The following ABCG8 variants were observed in gnomAD, a reference collection of about 807,000 sequenced individuals.
ABCG8 encodes the protein ATP binding cassette subfamily G member 8, also known as ATP-binding cassette sub-family G member 8.
In ABCG8, 81 loss-of-function variants were observed where a neutral mutation model predicts 71.3. The ratio of observed to expected loss-of-function variants is 1.14; its 90% CI spans 0.95 to 1.37. The LOEUF (loss-of-function observed/expected upper bound fraction) is 1.37. ABCG8 is among the 40% of genes most tolerant of loss of function. The pLI is 0.00. For synonymous variants in ABCG8, 451 were observed against 354.7 expected, an observed-to-expected ratio of 1.27 and a Z score of -3.05; for missense variants, 1,119 against 866.2, an observed-to-expected ratio of 1.29 and a Z score of -3.66.
intron 6 of ABCG8, among the ~76,000 whole-genome samples, chr2:43,854,972 G>T (rs184906567): frequency 1.3e-5 from 2 of 152,316 alleles, no homozygotes; most frequent in East Asian, 3.9e-4. Flanking sequence ...TCCTGGGGCA[G>T]AGCAGCCGAC....
At chr2:43,849,636 A>C (rs768805501) in intron 3 of ABCG8, among the ~76,000 whole-genome samples, 2 of 152,162 alleles carry the variant, frequency 1.3e-5, no homozygotes, top group African/African-American at 2.4e-5. Flanking sequence ...CCGCTCTCAC[A>C]AAGTTTTGCT....
intron 9 of ABCG8, among the ~76,000 whole-genome samples, 170 bp downstream of exon 9, chr2:43,874,156 G>A (rs956393310): frequency 3.3e-5 from 5 of 152,068 alleles, no homozygotes; most frequent in South Asian, 2.1e-4. Flanking sequence ...GTAAATTACC[G>A]AGTCTTAGCT....
At chr2:43,871,908 C>A in intron 6 of ABCG8, 68 bp from the exon 7 acceptor site, 1 of 1,607,726 alleles carries the variant, frequency 6.2e-7, no homozygotes, top group Non-Finnish European at 8.5e-7. Flanking sequence ...GGGCGTGCAC[C>A]AAGCTCTTCA....
chr2:43,858,967 G>A lies in ABCG8; in HGVS notation c.964+6099G>A, dbSNP rs574444172. Among the ~76,000 whole-genome samples the A allele has an allele frequency of 1.7e-4, 26 of 151,074 alleles. No individual in the cohort carries two copies. In the South Asian group the frequency reaches 5.4e-3, roughly 32 times the overall value. On this transcript the variant is annotated intron_variant, in intron 6 of 12. Coordinates refer to ENST00000272286, the MANE Select transcript of ABCG8 (RefSeq NM_022437.3). ...GGATAGAATTCTTAGTCTCTGGATA[G>A]AAGTCTCACTCTCTGTCTGGCTATA...
intron 1 of ABCG8, among the ~76,000 whole-genome samples, chr2:43,842,852 C>T (rs1668702004): frequency 6.6e-6 from 1 of 152,052 alleles, no homozygotes; most frequent in South Asian, 2.1e-4. Context: ...CTTTCGTCTG[C>T]TGTTTTTCAT....
At chr2:43,852,563 C>A in intron 5 of ABCG8, 36 bp from the exon 6 acceptor site, 1 of 1,614,008 alleles carries the variant, frequency 6.2e-7, no homozygotes, top group Non-Finnish European at 8.5e-7. Flanking sequence ...GGCCAGAGCC[C>A]CACCGACTCA....
chr2:43,849,207 G>A (rs1668837400), intron 3 of ABCG8, among the ~76,000 whole-genome samples: 1 of 152,082 alleles, frequency 6.6e-6, no homozygotes, highest in African/African-American at 2.4e-5. Flanking sequence ...CATGGAAGGT[G>A]TATTAGTCCG....
chr2:43,874,287 A>G (rs933365079), intron 9 of ABCG8, 120 bp from the exon 10 acceptor site: 3 of 975,878 alleles, frequency 3.1e-6, no homozygotes, highest in Non-Finnish European at 4.9e-6. Context: ...TTAAAAAAAA[A>G]AATTAGAGAC....
At position 43,880,794 on chromosome 2, in the gene ABCG8, C is replaced by G. The variant is rs930542351; in HGVS notation, c.*2881C>G. On this transcript the variant is annotated 3_prime_UTR_variant, in exon 13 of 13. Coordinates refer to ENST00000272286, the MANE Select transcript of ABCG8 (RefSeq NM_022437.3). ...TCCCTCTTCTCTAATTGTGAGAAAC[C>G]TGGCTTCCATTACCCTTAGGTTATT... 1 of 152,376 alleles carries G rather than the reference C, an allele frequency of 6.6e-6. No individual in the cohort carries two copies. Among genetic ancestry groups the G allele is most frequent in the African/African-American group, 2.4e-5 (1 of 41,594 alleles). The allele number at this position is 152,376 out of a possible 1,614,324, so 9.4% of individuals were successfully genotyped here. A position where few individuals can be genotyped will look rare whatever the true frequency, so the allele number is the denominator to read the frequency against.
At chr2:43,869,902 G>A (rs570168221) in intron 6 of ABCG8, among the ~76,000 whole-genome samples, 7 of 148,554 alleles carry the variant, frequency 4.7e-5, no homozygotes, top group African/African-American at 1.7e-4. Flanking sequence ...TAGAACTCTC[G>A]CTATCTGGAT....
chr2:43,852,833 C>G lies in ABCG8; in HGVS notation c.929C>G (p.Pro310Arg). The G allele has an allele frequency of 1.2e-6, 2 of 1,614,152 alleles. No homozygotes were observed. Residue 310 changes from proline (P) to arginine (R), a missense_variant, in exon 6 of 13, where the codon CCC becomes CGC. Physicochemically the swap from Pro to Arg is moderately radical, Grantham distance 103 (BLOSUM62 -2). Coordinates refer to ENST00000272286, the MANE Select transcript of ABCG8 (RefSeq NM_022437.3). The stretch of plus-strand genomic sequence containing the variant: ...CAGTATTTCACAGCCATCGGCTACC[C>G]CTGTCCTCGCTACAGCAATCCTGCT... ...MVQYFTAIGY[P>R]CPRYSNPADF...
intron 6 of ABCG8, among the ~76,000 whole-genome samples, chr2:43,868,512 C>T (rs1669616157): frequency 6.6e-6 from 1 of 152,012 alleles, no homozygotes; most frequent in Admixed American, 6.5e-5. Context: ...GGATAGAATT[C>T]TCACCATCTG....
rs75325707 is a variant in ABCG8, at chr2:43,876,420, T to G, written c.1756+1007T>G. ...TGACTGTGGGGAGACCATGGGAATA[T>G]GGGGAGACTGAATACGGGGGAGACT... On this transcript the variant is annotated intron_variant, in intron 11 of 12. Coordinates refer to ENST00000272286, the MANE Select transcript of ABCG8 (RefSeq NM_022437.3). Among the ~76,000 whole-genome samples, 130 of 152,042 alleles carry G rather than the reference T, an allele frequency of 8.6e-4. No homozygotes were observed. In the Middle Eastern group the frequency reaches 0.02, roughly 24 times the overall value.
intron 6 of ABCG8, among the ~76,000 whole-genome samples, chr2:43,861,007 C>G (rs1280096323): frequency 4.1e-5 from 6 of 145,526 alleles, no homozygotes; most frequent in Non-Finnish European, 3.1e-5. Flanking sequence ...GAATTCTCAC[C>G]ATCTGGTTAG....
chr2:43,847,402 C>G (rs974823542), intron 3 of ABCG8: 2 of 152,128 alleles, frequency 1.3e-5, no homozygotes, highest in African/African-American at 4.8e-5. Flanking sequence ...CAATCCTGAC[C>G]TAAATAAGAA....
At chr2:43,854,979 C>T (rs58696060) in intron 6 of ABCG8, among the ~76,000 whole-genome samples, 8,219 of 152,248 alleles carry the variant, frequency 0.054, 272 homozygotes, top group Middle Eastern at 0.11. Flanking sequence ...GCAGAGCAGC[C>T]GACCAAGGGG....
At chr2:43,875,856 C>T (rs998983514) in intron 11 of ABCG8, among the ~76,000 whole-genome samples, 1 of 152,096 alleles carries the variant, frequency 6.6e-6, no homozygotes, top group Non-Finnish European at 1.5e-5. Context: ...CCATGCCCCC[C>T]TTTGTTCAAA....
intron 6 of ABCG8, among the ~76,000 whole-genome samples, chr2:43,860,854 C>G (rs78960290): frequency 2.9e-4 from 44 of 151,442 alleles, no homozygotes; most frequent in Admixed American, 5.3e-4. Flanking sequence ...GGATAGAACT[C>G]TAACAATCTG....
intron 1 of ABCG8, among the ~76,000 whole-genome samples, chr2:43,840,610 T>G (rs1270204719): frequency 6.6e-6 from 1 of 152,232 alleles, no homozygotes; most frequent in African/African-American, 2.4e-5. Context: ...AGTCAAGCTA[T>G]AAGAACAGTT....
Sources: gnomAD v4.1 joint callset for allele counts (sites outside exome capture counted in the v4.1 genomes callset) on GRCh38, gnomAD v4.1.1 for gene constraint, MANE v1.5 for transcripts, NCBI Gene and HGNC (gene_info 2026-07-23, HGNC 2026-07-21) for gene names.